SLC4A4: variants seen among roughly 807,000 people sequenced by gnomAD.
SLC4A4 encodes the protein solute carrier family 4 member 4, also known as electrogenic sodium bicarbonate cotransporter 1.
SLC4A4 carries 27 observed loss-of-function variants against 111.5 expected under a neutral mutation model. The observed-to-expected ratio is 0.24, with a 90% CI of 0.18 to 0.33. SLC4A4 has a LOEUF of 0.33. Among genes scored for constraint, SLC4A4 ranks in the 10% least tolerant of loss-of-function variants. SLC4A4 has a pLI of 1.00. For synonymous variants in SLC4A4, 443 were observed against 463.4 expected (o/e 0.96, Z 0.57); for missense variants, 909 against 1,315.5 (o/e 0.69, Z 4.78).
intron 2 of SLC4A4, among the ~76,000 whole-genome samples, chr4:71,094,155 G>A (rs980901084): frequency 2.2e-4 from 33 of 152,206 alleles, no homozygotes; most frequent in African/African-American, 7.7e-4. Context: ...GATATGGCAT[G>A]GTAAGCCACG....
Position 71,163,630 on chromosome 4 carries a change from A to G in SLC4A4, c.-2+70838A>G, listed in dbSNP as rs116332813. Among the ~76,000 whole-genome samples the G allele has an allele frequency of 4.1e-3, 620 of 152,354 alleles. 3 individuals carry two copies. The highest frequency in any genetic ancestry group is 6.5e-3 in the Non-Finnish European group (443 of 68,024). ...GACCTAAAAGATATTTTCATCGATA[A>G]ATGTGATTCTGTTTCAATATATTTT... On this transcript the variant is annotated intron_variant, in intron 2 of 26. Coordinates refer to the SLC4A4 transcript ENST00000649996.
At chr4:71,515,116 T>G (rs945941185) in intron 16 of SLC4A4, among the ~76,000 whole-genome samples, 2 of 152,056 alleles carry the variant, frequency 1.3e-5, no homozygotes, top group Admixed American at 6.5e-5. Flanking sequence ...TATTTATTAC[T>G]GTAAACTTCC....
At chr4:71,464,523 C>T (rs1727137536) in intron 12 of SLC4A4, among the ~76,000 whole-genome samples, 1 of 152,162 alleles carries the variant, frequency 6.6e-6, no homozygotes. Flanking sequence ...GCTGGACCTA[C>T]ATCCATGTAA....
At position 71,098,701 on chromosome 4, in the gene SLC4A4, G is replaced by A. The variant is rs115201388; in HGVS notation, c.-2+5909G>A. On this transcript the variant is annotated intron_variant, in intron 2 of 26. Coordinates refer to the SLC4A4 transcript ENST00000649996. ...AGATAAAAAGCAAGACCCAATGGTG[G>A]GTTGTCTTCAAGAGGCCCATTCCAC... is the stretch of plus-strand genomic sequence containing the variant. Among the ~76,000 whole-genome samples, 730 of 152,136 alleles carry A rather than the reference G, an allele frequency of 4.8e-3. 7 individuals are homozygous for A. The highest frequency in any genetic ancestry group is 0.017 in the African/African-American group (704 of 41,496).
chr4:71,176,936 G>A (rs1372693400), intron 2 of SLC4A4, among the ~76,000 whole-genome samples: 3 of 152,050 alleles, frequency 2.0e-5, no homozygotes, highest in East Asian at 3.9e-4. Flanking sequence ...GAGAAAGGTC[G>A]GGTTACTCAC....
At chr4:71,202,306 C>G in intron 1 of SLC4A4, among the ~76,000 whole-genome samples, 1 of 152,148 alleles carries the variant, frequency 6.6e-6, no homozygotes, top group East Asian at 1.9e-4. Context: ...CAATTCATTT[C>G]TCATTCACTT....
At chr4:71,519,856 G>T in intron 16 of SLC4A4, among the ~76,000 whole-genome samples, 1 of 152,010 alleles carries the variant, frequency 6.6e-6, no homozygotes, top group East Asian at 1.9e-4. Flanking sequence ...CACCATGTTG[G>T]CTAGGCTGGT....
rs563151061 is a variant in SLC4A4 at position 71,340,994 on chromosome 4, G to C, written c.389+1489G>C. 3.3e-5 allele frequency among the ~76,000 whole-genome samples: 5 copies of C among 152,156 alleles called. No homozygotes were observed. The South Asian group carries it at 1.0e-3, about 32-fold the overall frequency. ...CCAGGTGAATCTTCTGTGACATAAG[G>C]CAATTATGTAATACAAAGACTTTGA... On this transcript the variant is annotated intron_variant, in intron 4 of 25. Transcript: ENST00000264485.
intron 7 of SLC4A4, among the ~76,000 whole-genome samples, chr4:71,422,164 G>A (rs1303262311): frequency 4.1e-4 from 58 of 141,386 alleles, no homozygotes; most frequent in Middle Eastern, 3.6e-3. Flanking sequence ...TATCACCACC[G>A]ATCCCACAGA....
intron 2 of SLC4A4, among the ~76,000 whole-genome samples, chr4:71,107,230 G>A (rs1742956647): frequency 1.3e-5 from 2 of 152,132 alleles, no homozygotes; most frequent in East Asian, 1.9e-4. Flanking sequence ...TATATTTTAA[G>A]GAATTATTAA....
At chr4:71,067,203 A>G (rs1251404528) in intron 1 of SLC4A4, among the ~76,000 whole-genome samples, 1 of 152,128 alleles carries the variant, frequency 6.6e-6, no homozygotes, top group Non-Finnish European at 1.5e-5. Context: ...AGCTGCTTTG[A>G]CATATAGGTC....
At chr4:71,204,400 G>A (rs1267172466) in intron 1 of SLC4A4, among the ~76,000 whole-genome samples, 3 of 152,116 alleles carry the variant, frequency 2.0e-5, no homozygotes, top group Non-Finnish European at 4.4e-5. Context: ...GCTTTCCAAG[G>A]TGACCAGCAT....
intron 3 of SLC4A4, among the ~76,000 whole-genome samples, chr4:71,281,826 G>A (rs1901711): frequency 0.03 from 4,633 of 152,098 alleles, 248 homozygotes; most frequent in African/African-American, 0.11. Flanking sequence ...ATAGTGATAC[G>A]TTAGTATTGC....
chr4:71,065,104 T>C (rs1029925832), intron 1 of SLC4A4, among the ~76,000 whole-genome samples: 9 of 152,158 alleles, frequency 5.9e-5, no homozygotes, highest in African/African-American at 2.2e-4. Context: ...GCTGTCTGTA[T>C]ATAGTAAGGC....
chr4:71,168,340 C>T (rs960160835), intron 2 of SLC4A4, among the ~76,000 whole-genome samples: 8 of 151,856 alleles, frequency 5.3e-5, no homozygotes, highest in African/African-American at 1.9e-4. Flanking sequence ...CGCCACTGTG[C>T]CTGGCTAATT....
At chr4:71,313,310 T>C (rs1726366027) in intron 3 of SLC4A4, among the ~76,000 whole-genome samples, 1 of 152,190 alleles carries the variant, frequency 6.6e-6, no homozygotes, top group Middle Eastern at 3.2e-3. Flanking sequence ...CATTCCATGC[T>C]CATGGATACA....
At chr4:71,456,839 G>A (rs1215663916) in intron 12 of SLC4A4, among the ~76,000 whole-genome samples, 1 of 152,146 alleles carries the variant, frequency 6.6e-6, no homozygotes, top group East Asian at 1.9e-4. Context: ...GGCTTCACTT[G>A]CTTTTCTAAA....
chr4:71,236,535 G>T, intron 1 of SLC4A4, 41 bp from the exon 2 acceptor site: 1 of 1,577,846 alleles, frequency 6.3e-7, no homozygotes, highest in East Asian at 2.3e-5. Flanking sequence ...CTCGCTCCAG[G>T]AGAAGTCTGA....
At chr4:71,101,467 C>G (rs949138995) in intron 2 of SLC4A4, among the ~76,000 whole-genome samples, 10 of 152,080 alleles carry the variant, frequency 6.6e-5, no homozygotes, top group Non-Finnish European at 1.3e-4. Flanking sequence ...GTAATAATTA[C>G]CACCATTTAC....
Sources: allele counts gnomAD v4.1 joint callset (sites outside exome capture counted in the v4.1 genomes callset), GRCh38; gene constraint gnomAD v4.1.1; transcripts MANE v1.5; gene names NCBI Gene and HGNC (gene_info 2026-07-23, HGNC 2026-07-21).